Variants in ACVR1 observed in about 807,000 individuals in gnomAD.
ACVR1 encodes activin A receptor type 1, also known as activin receptor type-1.
ACVR1 carries 38 observed loss-of-function variants against 57.1 expected under a neutral mutation model. That is an observed-to-expected ratio of 0.67 (90% CI 0.51 to 0.87). The LOEUF is 0.87. Ranked by LOEUF, ACVR1 falls within the 40% of genes least tolerant of loss-of-function variation. The probability of loss-of-function intolerance (pLI) is 0.00; values close to 1 mark genes in which losing one functional copy is unlikely to be tolerated. For missense variants in ACVR1, 463 were observed against 638.2 expected (o/e 0.73, Z 2.96); for synonymous variants, 212 against 228.1 (o/e 0.93, Z 0.63).
chr2:157,798,085 C>A (rs535387506), intron 3 of ACVR1, among the ~76,000 whole-genome samples: 1 of 152,090 alleles, frequency 6.6e-6, no homozygotes, highest in Non-Finnish European at 1.5e-5. Flanking sequence ...TTGTAACATC[C>A]CAAATAGGCC....
At chr2:157,790,589 ATTG>A (rs1206102845) in intron 3 of ACVR1, among the ~76,000 whole-genome samples, 1 of 152,154 alleles carries the variant, frequency 6.6e-6, no homozygotes, top group Non-Finnish European at 1.5e-5. Flanking sequence ...TTATTAGATT[ATTG>A]TTGTTTTGTC....
intron 1 of ACVR1, chr2:157,838,231 G>A (rs1206650392): frequency 6.6e-6 from 1 of 152,080 alleles, no homozygotes; most frequent in Non-Finnish European, 1.5e-5. Context: ...ATTCCAACAG[G>A]AGAACTAACC....
chr2:157,762,622 G>A (rs1685703768), intron 8 of ACVR1, among the ~76,000 whole-genome samples: 1 of 152,224 alleles, frequency 6.6e-6, no homozygotes, highest in African/African-American at 2.4e-5. Flanking sequence ...CCACTGCTAG[G>A]ATCTCCAGGT....
chr2:157,799,481 C>A lies in ACVR1; in HGVS notation c.13G>T (p.Val5Leu). 2 of 1,611,320 alleles carry A rather than the reference C, an allele frequency of 1.2e-6. No homozygotes were observed. Among genetic ancestry groups the A allele is most frequent in the Non-Finnish European group, 1.7e-6 (2 of 1,177,896 alleles). Residue 5 changes from valine (V) to leucine (L), a missense_variant, in exon 3 of 11, where the codon GTG becomes TTG. This residue lies in a region of ACVR1 where 203 missense variants were observed against 235.5 expected (regional missense o/e 0.86). Transcript: ENST00000434821. ...ATGATAAGCACAGGAAGAATCATCACTCCATCTACCATTGTACAACTGTAA... is the reference window on the plus strand; with the variant it reads ...ATGATAAGCACAGGAAGAATCATCAATCCATCTACCATTGTACAACTGTAA... Reference protein sequence around the residue: MVDGVMILPVLIMIA... With the variant: MVDGLMILPVLIMIA...
intron 1 of ACVR1, among the ~76,000 whole-genome samples, chr2:157,859,030 T>C (rs1574156622): frequency 6.6e-6 from 1 of 152,274 alleles, no homozygotes. Context: ...TGTTATGTGA[T>C]TGTCAGAGGC....
At chr2:157,818,117 T>C (rs558628726) in intron 2 of ACVR1, among the ~76,000 whole-genome samples, 1 of 152,134 alleles carries the variant, frequency 6.6e-6, no homozygotes, top group South Asian at 2.1e-4. Flanking sequence ...TTTGAAAAAC[T>C]TGGCCAAATT....
chr2:157,795,943 G>A (rs2105301438), intron 3 of ACVR1, among the ~76,000 whole-genome samples: 1 of 152,248 alleles, frequency 6.6e-6, no homozygotes, highest in Non-Finnish European at 1.5e-5. Context: ...TACCACAGAG[G>A]CAGAGTGTGG....
intron 1 of ACVR1, among the ~76,000 whole-genome samples, chr2:157,861,051 G>A (rs1689700474): frequency 6.6e-6 from 1 of 152,148 alleles, no homozygotes; most frequent in African/African-American, 2.4e-5. Context: ...TGCCTAGAAG[G>A]CCCTTTCCCC....
rs1306858565 is a variant in ACVR1, at chr2:157,810,739, C to A, written c.-8+7646G>T. 2.0e-5 allele frequency among the ~76,000 whole-genome samples: 3 copies of A among 152,124 alleles called. No individual in the cohort carries two copies. In the East Asian group the frequency reaches 5.8e-4, roughly 29 times the overall value. On this transcript the variant is annotated intron_variant, in intron 2 of 10. Transcript: ENST00000434821. ...CATAAGCAACAATTTCAACTACCAC[C>A]ACCTCCTCAGCCCCAAGGTCTCCAA...
chr2:157,769,775 A>G (rs771198393), intron 7 of ACVR1, among the ~76,000 whole-genome samples: 4 of 152,248 alleles, frequency 2.6e-5, no homozygotes, highest in Admixed American at 1.3e-4. Context: ...TCAAAAATAC[A>G]GAAGTCAATG....
intron 3 of ACVR1, among the ~76,000 whole-genome samples, chr2:157,794,312 C>G (rs552578731): frequency 5.9e-5 from 9 of 152,108 alleles, no homozygotes; most frequent in Non-Finnish European, 1.2e-4. Flanking sequence ...AAAACTCTTC[C>G]TGCAGCTAGA....
chr2:157,819,313 T>C (rs1224272055), intron 1 of ACVR1: 1 of 152,046 alleles, frequency 6.6e-6, no homozygotes, highest in Non-Finnish European at 1.5e-5. Flanking sequence ...AAACCCCGTC[T>C]GTACTAAAAA....
At chr2:157,853,837 G>C (rs1252741488) in intron 1 of ACVR1, among the ~76,000 whole-genome samples, 4 of 152,164 alleles carry the variant, frequency 2.6e-5, no homozygotes, top group African/African-American at 7.2e-5. Context: ...TCTTTACAAT[G>C]AAGTTTCCCT....
At chr2:157,739,968 T>G (rs1045327113) in intron 9 of ACVR1, among the ~76,000 whole-genome samples, 3 of 152,112 alleles carry the variant, frequency 2.0e-5, no homozygotes, top group African/African-American at 7.2e-5. Flanking sequence ...GTGGACCACT[T>G]GAGGTCAGTG....
At chr2:157,867,924 A>G (rs892331626) in intron 1 of ACVR1, among the ~76,000 whole-genome samples, 2 of 152,170 alleles carry the variant, frequency 1.3e-5, no homozygotes, top group African/African-American at 4.8e-5. Context: ...AGTGAGCATT[A>G]AATGAGATAA....
intron 1 of ACVR1, among the ~76,000 whole-genome samples, chr2:157,848,250 G>A (rs565140891): frequency 2.6e-5 from 4 of 152,180 alleles, no homozygotes; most frequent in Non-Finnish European, 4.4e-5. Context: ...TGGTGGAAGT[G>A]ACACTGTAAC....
intron 1 of ACVR1, among the ~76,000 whole-genome samples, chr2:157,818,801 G>C (rs575024481): frequency 6.6e-6 from 1 of 152,256 alleles, no homozygotes; most frequent in African/African-American, 2.4e-5. Flanking sequence ...AAGATCGGCC[G>C]GGCGCGGTGG....
intron 1 of ACVR1, among the ~76,000 whole-genome samples, chr2:157,859,389 T>A (rs1224000304): frequency 1.3e-5 from 2 of 152,222 alleles, no homozygotes; most frequent in Non-Finnish European, 2.9e-5. Flanking sequence ...AAAAAATAAT[T>A]CGGAAATAAC....
At chr2:157,766,320 GCC>G in intron 7 of ACVR1, 124 bp from the exon 8 acceptor site, 1 of 968,038 alleles carries the variant, frequency 1.0e-6, no homozygotes, top group Non-Finnish European at 1.6e-6. Context: ...CTGACCAATT[GCC>G]CTAAGAGGAG....
Sources: allele counts gnomAD v4.1 joint callset (sites outside exome capture counted in the v4.1 genomes callset), GRCh38; gene constraint gnomAD v4.1.1; regional missense constraint gnomAD v4.1.1; transcripts MANE v1.5; gene names NCBI Gene and HGNC (gene_info 2026-07-23, HGNC 2026-07-21).